PTPRD: variants seen among roughly 807,000 people sequenced by gnomAD.
PTPRD encodes the protein receptor-type tyrosine-protein phosphatase delta.
In PTPRD, 34 loss-of-function variants were observed where a neutral mutation model predicts 214.5. That is an observed-to-expected ratio of 0.16 (90% CI 0.12 to 0.21). The LOEUF is 0.21. PTPRD is among the 10% of genes least tolerant of loss of function. The pLI is 1.00. For synonymous variants in PTPRD, 1,128 were observed against 845.7 expected (o/e 1.33, Z -5.79); for missense variants, 2,545 against 2,398.7 (o/e 1.06, Z -1.27).
At chr9:9,078,308 G>A (rs575593748) in intron 10 of PTPRD, among the ~76,000 whole-genome samples, 1 of 152,178 alleles carries the variant, frequency 6.6e-6, no homozygotes, top group Non-Finnish European at 1.5e-5. Context: ...GAGTTCTGCT[G>A]AAAAATCATG....
At chr9:10,435,921 G>T (rs561109723) in intron 2 of PTPRD, among the ~76,000 whole-genome samples, 2 of 151,770 alleles carry the variant, frequency 1.3e-5, no homozygotes, top group South Asian at 4.2e-4. Flanking sequence ...CATGTTTTCA[G>T]ACCTTTAAAA....
At chr9:9,461,135 T>G (rs2093618442) in intron 8 of PTPRD, among the ~76,000 whole-genome samples, 1 of 151,620 alleles carries the variant, frequency 6.6e-6, no homozygotes, top group African/African-American at 2.4e-5. Context: ...TACATGAACA[T>G]AAAGACAGAA....
intron 7 of PTPRD, among the ~76,000 whole-genome samples, chr9:9,578,067 A>AAAAAAAAAG (rs2089563907): frequency 6.7e-6 from 1 of 149,794 alleles, no homozygotes. Flanking sequence ...AAAAAAAAAA[A>AAAAAAAAAG]AAAAGAGGAT....
chr9:10,093,392 C>T (rs72694843), intron 3 of PTPRD, among the ~76,000 whole-genome samples: 12 of 151,206 alleles, frequency 7.9e-5, no homozygotes, highest in African/African-American at 2.2e-4. Flanking sequence ...ACTCACAATG[C>T]GACAGTTTCT....
intron 11 of PTPRD, among the ~76,000 whole-genome samples, chr9:8,905,960 C>T (rs1459976744): frequency 1.3e-5 from 2 of 152,062 alleles, no homozygotes; most frequent in South Asian, 2.1e-4. Context: ...ATTTGGAATG[C>T]CAAAGTTTAA....
In PTPRD at chr9:9,543,590, A is replaced by G. The variant is rs147379312; in HGVS notation, c.-237+31142T>C. The stretch of plus-strand genomic sequence containing the variant: ...AATGATAGATTTTTTGGTGATGGAT[A>G]ATGCAGGTACAAATAACTTGCTGAG... On this transcript the variant is annotated intron_variant, in intron 8 of 45. Transcript: ENST00000381196. Among the ~76,000 whole-genome samples, 1,429 of 151,714 alleles carry G rather than the reference A, an allele frequency of 9.4e-3. 23 individuals are homozygous for G. The highest frequency in any genetic ancestry group is 0.031 in the African/African-American group (1,299 of 41,490).
chr9:9,222,466 A>T (rs1388581876), intron 9 of PTPRD, among the ~76,000 whole-genome samples: 2 of 152,070 alleles, frequency 1.3e-5, no homozygotes, highest in Non-Finnish European at 2.9e-5. Context: ...AAGCAACTTT[A>T]AAAAATTTAT....
intron 10 of PTPRD, among the ~76,000 whole-genome samples, chr9:9,141,715 G>T (rs934685137): frequency 2.0e-5 from 3 of 149,796 alleles, no homozygotes; most frequent in Non-Finnish European, 4.4e-5. Context: ...TATATTATCT[G>T]GTATATACCT....
At chr9:9,816,143 T>C (rs1466542670) in intron 5 of PTPRD, among the ~76,000 whole-genome samples, 1 of 152,190 alleles carries the variant, frequency 6.6e-6, no homozygotes, top group Non-Finnish European at 1.5e-5. Context: ...TTATTTAATT[T>C]ATTCTTCAAT....
At chr9:9,806,824 C>T (rs559898897) in intron 5 of PTPRD, among the ~76,000 whole-genome samples, 2 of 152,172 alleles carry the variant, frequency 1.3e-5, no homozygotes, top group African/African-American at 4.8e-5. Flanking sequence ...TCTGACCTAC[C>T]TCTAGGAACA....
chr9:9,719,420 A>G (rs1044687021), intron 7 of PTPRD, among the ~76,000 whole-genome samples: 2 of 152,136 alleles, frequency 1.3e-5, no homozygotes, highest in African/African-American at 4.8e-5. Flanking sequence ...CCTGGACCAC[A>G]GGATTGAAGA....
At chr9:10,269,790 C>G (rs1188664937) in intron 3 of PTPRD, among the ~76,000 whole-genome samples, 1 of 151,502 alleles carries the variant, frequency 6.6e-6, no homozygotes, top group East Asian at 1.9e-4. Flanking sequence ...CTATAAAAAT[C>G]TTCTGAAAAA....
intron 3 of PTPRD, among the ~76,000 whole-genome samples, chr9:10,182,358 A>C (rs2099302228): frequency 6.6e-6 from 1 of 152,048 alleles, no homozygotes. Context: ...GACAAAAATA[A>C]ATGTATGGAT....
chr9:8,976,261 T>C (rs1161365815), intron 11 of PTPRD, among the ~76,000 whole-genome samples: 1 of 152,118 alleles, frequency 6.6e-6, no homozygotes, highest in East Asian at 1.9e-4. Context: ...AATCTTTCTC[T>C]GGTAATTAGT....
intron 3 of PTPRD, among the ~76,000 whole-genome samples, chr9:10,065,823 A>G (rs1245059826): frequency 1.3e-5 from 2 of 151,946 alleles, no homozygotes; most frequent in African/African-American, 2.4e-5. Context: ...AAGGAAATCA[A>G]TCATGACCAG....
chr9:10,131,952 G>GA (rs2098892343), intron 3 of PTPRD, among the ~76,000 whole-genome samples: 1 of 152,086 alleles, frequency 6.6e-6, no homozygotes, highest in South Asian at 2.1e-4. Context: ...AGGTGATGAG[G>GA]AAAAAGGTTA....
chr9:10,443,937 A>G (rs969578786), intron 2 of PTPRD, among the ~76,000 whole-genome samples: 2 of 151,474 alleles, frequency 1.3e-5, no homozygotes, highest in South Asian at 2.1e-4. Context: ...GGTGTCTCCT[A>G]TAAGTTGCTT....
At position 8,745,272 on chromosome 9, in the gene PTPRD, T is replaced by C. The variant is rs146507887; in HGVS notation, c.-103-11326A>G. 2.2e-3 allele frequency among the ~76,000 whole-genome samples: 340 copies of C among 152,376 alleles called. 3 individuals carry two copies. Among genetic ancestry groups the C allele is most frequent in the African/African-American group, 7.0e-3 (290 of 41,590 alleles). Reference sequence around the variant, plus strand: ...GAGGGCTTAGAACCAATTTTCTTTCTTCTATAGCATGGTGTATCTACTTTT... The same window carrying C: ...GAGGGCTTAGAACCAATTTTCTTTCCTCTATAGCATGGTGTATCTACTTTT... On this transcript the variant is annotated intron_variant, in intron 11 of 45. Coordinates refer to ENST00000381196, the MANE Select transcript of PTPRD (RefSeq NM_002839.4).
intron 5 of PTPRD, among the ~76,000 whole-genome samples, chr9:9,927,804 A>C (rs188400947): frequency 0.011 from 1,679 of 152,180 alleles, 20 homozygotes; most frequent in Non-Finnish European, 0.018. Context: ...TTTCAGAGTC[A>C]ATTTCATTCT....
Sources: allele counts gnomAD v4.1 joint callset (sites outside exome capture counted in the v4.1 genomes callset), GRCh38; gene constraint gnomAD v4.1.1; transcripts MANE v1.5; gene names NCBI Gene and HGNC (gene_info 2026-07-23, HGNC 2026-07-21).